ATXN7L1: variants seen among roughly 807,000 people sequenced by gnomAD.
ATXN7L1 encodes ataxin 7 like 1, also known as ataxin-7-like protein 1.
In ATXN7L1, 15 loss-of-function variants were observed where a neutral mutation model predicts 70.8. That is an observed-to-expected ratio of 0.21 (90% confidence interval 0.14 to 0.33). ATXN7L1 has a LOEUF of 0.33. Among genes scored for constraint, ATXN7L1 ranks in the 10% least tolerant of loss-of-function variants. ATXN7L1 has a pLI of 1.00. For missense variants in ATXN7L1, 975 were observed against 1,097.1 expected (o/e 0.89, Z 1.57); for synonymous variants, 440 against 445.1 (o/e 0.99, Z 0.14).
chr7:105,609,769 C>T (rs1470873800), intron 11 of ATXN7L1, among the ~76,000 whole-genome samples: 1 of 151,680 alleles, frequency 6.6e-6, no homozygotes, highest in East Asian at 1.9e-4. Flanking sequence ...TGGCAAGTCC[C>T]TTTTTTACAA....
intron 3 of ATXN7L1, among the ~76,000 whole-genome samples, chr7:105,701,157 C>G (rs1303405904): frequency 6.6e-6 from 1 of 152,132 alleles, no homozygotes; most frequent in Non-Finnish European, 1.5e-5. Flanking sequence ...GGGGTAGATA[C>G]TGTACCCCTA....
chr7:105,609,918 C>T (rs992542787), intron 11 of ATXN7L1, among the ~76,000 whole-genome samples: 3 of 152,120 alleles, frequency 2.0e-5, no homozygotes, highest in Admixed American at 6.5e-5. Context: ...ACTACAGGAA[C>T]GCACCACCAC....
intron 3 of ATXN7L1, among the ~76,000 whole-genome samples, chr7:105,771,097 G>A (rs1482034713): frequency 6.6e-6 from 1 of 151,962 alleles, no homozygotes; most frequent in Non-Finnish European, 1.5e-5. Context: ...CTATTCAAGA[G>A]GCTGAGGCAG....
At chr7:105,752,508 C>A (rs1412609338) in intron 3 of ATXN7L1, among the ~76,000 whole-genome samples, 3 of 152,112 alleles carry the variant, frequency 2.0e-5, no homozygotes. Context: ...TGACAGCCAC[C>A]ACACCACCCT....
chr7:105,659,515 T>C (rs1054441857), intron 4 of ATXN7L1, among the ~76,000 whole-genome samples: 1 of 152,088 alleles, frequency 6.6e-6, no homozygotes, highest in Non-Finnish European at 1.5e-5. Context: ...AGAAAGGCGA[T>C]AGCATATCAG....
chr7:105,627,776 C>T (rs1795934218), intron 7 of ATXN7L1, among the ~76,000 whole-genome samples: 1 of 151,260 alleles, frequency 6.6e-6, no homozygotes, highest in Non-Finnish European at 1.5e-5. Flanking sequence ...AGGTGATCTG[C>T]CCTCCTCCAC....
chr7:105,634,880 G>A (rs920916319), intron 7 of ATXN7L1, among the ~76,000 whole-genome samples: 1 of 150,178 alleles, frequency 6.7e-6, no homozygotes, highest in African/African-American at 2.5e-5. Flanking sequence ...AGGAGTTCAA[G>A]ACCAGCCTGG....
At chr7:105,768,424 G>A (rs1002027126) in intron 3 of ATXN7L1, among the ~76,000 whole-genome samples, 2 of 152,154 alleles carry the variant, frequency 1.3e-5, no homozygotes, top group African/African-American at 4.8e-5. Flanking sequence ...AAACTTATCT[G>A]TGGCCTAGGA....
At chr7:105,849,482 C>T (rs1199965584) in intron 2 of ATXN7L1, among the ~76,000 whole-genome samples, 2 of 152,252 alleles carry the variant, frequency 1.3e-5, no homozygotes, top group African/African-American at 2.4e-5. Context: ...AGATGTGCTG[C>T]TCATGGGTCA....
chr7:105,782,167 T>C (rs909957726), intron 3 of ATXN7L1, among the ~76,000 whole-genome samples: 6 of 152,148 alleles, frequency 3.9e-5, no homozygotes, highest in African/African-American at 1.2e-4. Flanking sequence ...AAATGGGTCC[T>C]AGAGAGGTTA....
intron 2 of ATXN7L1, among the ~76,000 whole-genome samples, chr7:105,835,078 G>A (rs902153599): frequency 6.6e-5 from 10 of 151,316 alleles, no homozygotes; most frequent in Non-Finnish European, 1.0e-4. Flanking sequence ...GGGTGCAGGA[G>A]GGGCTTCACT....
intron 7 of ATXN7L1, among the ~76,000 whole-genome samples, chr7:105,637,438 TTAA>T (rs1371454787): frequency 3.9e-5 from 6 of 152,232 alleles, no homozygotes; most frequent in East Asian, 1.9e-4. Flanking sequence ...CTGAGTATTA[TTAA>T]TGTTTCCTTT....
In ATXN7L1 at chr7:105,846,419, C is replaced by T. The variant is rs945622737; in HGVS notation, c.250+29393G>A. Among the ~76,000 whole-genome samples the T allele has an allele frequency of 2.0e-5, 3 of 152,222 alleles. No homozygotes were observed. The South Asian group carries it at 6.2e-4, about 32-fold the overall frequency. ...TGCAAATCAAAACCACAATGAAATA[C>T]CACTTAAAACCCACTAAGATGGCCA... is the stretch of plus-strand genomic sequence containing the variant. On this transcript the variant is annotated intron_variant, in intron 2 of 11. Coordinates refer to ENST00000419735, the MANE Select transcript of ATXN7L1 (RefSeq NM_020725.2).
Position 105,647,426 on chromosome 7 carries a change from T to A in ATXN7L1, c.579-4305A>T, listed in dbSNP as rs187348317. Among the ~76,000 whole-genome samples the A allele has an allele frequency of 3.3e-3, 497 of 152,296 alleles. 2 individuals carry two copies. The highest frequency in any genetic ancestry group is 0.012 in the African/African-American group (478 of 41,562). ...ACTTTGGGAGGCTGAGGCGAGTGGA[T>A]CACCTGAGGTCAGGAGTTCAAGACC... On this transcript the variant is annotated intron_variant, in intron 4 of 11. Coordinates refer to ENST00000419735, the MANE Select transcript of ATXN7L1 (RefSeq NM_020725.2).
intron 2 of ATXN7L1, among the ~76,000 whole-genome samples, chr7:105,824,936 A>T (rs1174632611): frequency 6.0e-5 from 9 of 151,230 alleles, no homozygotes; most frequent in African/African-American, 2.2e-4. Flanking sequence ...AAAAAAAAAC[A>T]AAAAAATAAA....
chr7:105,744,811 C>G (rs967213887), intron 3 of ATXN7L1, among the ~76,000 whole-genome samples: 2 of 147,108 alleles, frequency 1.4e-5, no homozygotes, highest in Admixed American at 1.4e-4. Context: ...AATCTCGGCT[C>G]ACTGCAACCT....
chr7:105,696,381 G>A (rs1264911451), intron 3 of ATXN7L1, among the ~76,000 whole-genome samples: 1 of 152,156 alleles, frequency 6.6e-6, no homozygotes, highest in African/African-American at 2.4e-5. Context: ...GAACAGTCTT[G>A]GCACGGAAAC....
At chr7:105,663,466 G>C (rs533779279) in intron 4 of ATXN7L1, among the ~76,000 whole-genome samples, 1 of 152,318 alleles carries the variant, frequency 6.6e-6, no homozygotes, top group Non-Finnish European at 1.5e-5. Flanking sequence ...AGCTTGCCTA[G>C]GTACGAACTT....
intron 3 of ATXN7L1, among the ~76,000 whole-genome samples, chr7:105,708,544 G>C (rs1247516781): frequency 6.6e-6 from 1 of 152,212 alleles, no homozygotes; most frequent in Non-Finnish European, 1.5e-5. Flanking sequence ...AGGAAACTAA[G>C]ATTTCATTGG....
Sources: gnomAD v4.1 joint callset for allele counts (sites outside exome capture counted in the v4.1 genomes callset) on GRCh38, gnomAD v4.1.1 for gene constraint, MANE v1.5 for transcripts, NCBI Gene and HGNC (gene_info 2026-07-23, HGNC 2026-07-21) for gene names.